The following UBN2 variants were observed in gnomAD, a reference collection of about 807,000 sequenced individuals.
UBN2 encodes the protein ubinuclein 2, also known as ubinuclein-2.
In UBN2, 35 loss-of-function variants were observed where a neutral mutation model predicts 120.2. That is an observed-to-expected ratio of 0.29 (90% CI 0.22 to 0.39). The LOEUF is 0.39. UBN2 is among the 10% of genes least tolerant of loss of function. The pLI is 1.00. For synonymous variants in UBN2, 661 were observed against 648.7 expected (o/e 1.02, Z -0.29); for missense variants, 1,693 against 1,663.2 (o/e 1.02, Z -0.31).
intron 7 of UBN2, among the ~76,000 whole-genome samples, chr7:139,268,591 T>G (rs1208012943): frequency 6.6e-6 from 1 of 152,226 alleles, no homozygotes; most frequent in Non-Finnish European, 1.5e-5. Flanking sequence ...CCTTGCCTAC[T>G]ACCTAGAGCA....
At chr7:139,243,292 G>GT (rs531196836) in intron 2 of UBN2, among the ~76,000 whole-genome samples, 1,550 of 151,118 alleles carry the variant, frequency 0.01, 15 homozygotes, top group African/African-American at 0.023. Flanking sequence ...AAATTCAAGG[G>GT]TTTTTTTTTG....
intron 3 of UBN2, among the ~76,000 whole-genome samples, chr7:139,254,012 G>A (rs958762849): frequency 2.0e-5 from 3 of 152,272 alleles, no homozygotes; most frequent in South Asian, 4.1e-4. Context: ...CTGCTGTCAC[G>A]GCCGGGTGCG....
At chr7:139,266,195 C>G (rs185251895) in intron 6 of UBN2, 138 bp from the exon 7 acceptor site, 16 of 486,564 alleles carry the variant, frequency 3.3e-5, no homozygotes, top group Non-Finnish European at 5.8e-5. Flanking sequence ...AAGTTTGATA[C>G]CAACCTGGGC....
intron 3 of UBN2, among the ~76,000 whole-genome samples, chr7:139,254,380 A>G (rs754606944): frequency 6.6e-6 from 1 of 152,218 alleles, no homozygotes; most frequent in Non-Finnish European, 1.5e-5. Context: ...ACATATTGCC[A>G]GTGCCCTTTG....
At chr7:139,311,342 T>TC (rs1798444624), downstream of UBN2, among the ~76,000 whole-genome samples, 1 of 152,238 alleles carries the variant, frequency 6.6e-6, no homozygotes, top group African/African-American at 2.4e-5. Flanking sequence ...ATTTGCCTCT[T>TC]CTGTGTCTCT....
intron 15 of UBN2, among the ~76,000 whole-genome samples, chr7:139,285,869 A>T (rs891733383): frequency 6.6e-6 from 1 of 151,922 alleles, no homozygotes; most frequent in Non-Finnish European, 1.5e-5. Flanking sequence ...TAGGCTCCCG[A>T]GTAGCTGGAA....
intron 1 of UBN2, among the ~76,000 whole-genome samples, chr7:139,236,229 G>C (rs1796160042): frequency 2.6e-5 from 4 of 152,112 alleles, no homozygotes; most frequent in African/African-American, 9.7e-5. Flanking sequence ...GTTAAACCAT[G>C]TATTATAATA....
chr7:139,311,812 CT>C (rs1389179591), downstream of UBN2, among the ~76,000 whole-genome samples: 1 of 152,176 alleles, frequency 6.6e-6, no homozygotes, highest in African/African-American at 2.4e-5. Context: ...TCAGAAACCC[CT>C]GGCTGAAAAA....
rs115193658 is a variant in UBN2 at position 139,301,418 on chromosome 7, T to C, written c.*3582T>C. ...TTTTCTGAAACGAAAATTCTGCTGT[T>C]GTTCAAACTGCCATTGGTTATGAGA... On this transcript the variant is annotated 3_prime_UTR_variant, in exon 18 of 18. Transcript: ENST00000473989. The C allele has an allele frequency of 6.4e-4, 97 of 152,326 alleles. No homozygotes were observed. The highest frequency in any genetic ancestry group is 2.2e-3 in the African/African-American group (93 of 41,568). 9.4% of individuals were successfully genotyped at this position (152,326 alleles called of 1,614,324 possible).
chr7:139,322,707 T>A, the UBN2 span, among the ~76,000 whole-genome samples: 6 of 151,426 alleles, frequency 4.0e-5, no homozygotes, highest in African/African-American at 1.5e-4. Flanking sequence ...CAAATTTTTG[T>A]ATTTTTATTA....
the UBN2 span, among the ~76,000 whole-genome samples, chr7:139,319,953 G>A: frequency 6.6e-6 from 1 of 151,710 alleles, no homozygotes; most frequent in Non-Finnish European, 1.5e-5. Flanking sequence ...GCGGGTGCCT[G>A]TAGTCCCAGC....
rs2131080864 is a variant in UBN2 at position 139,299,643 on chromosome 7, A to G, written c.*1807A>G. 1 of 152,344 alleles carries G rather than the reference A, an allele frequency of 6.6e-6. No homozygotes were observed. Among genetic ancestry groups the G allele is most frequent in the South Asian group, 2.1e-4 (1 of 4,830 alleles). The allele number at this position is 152,344 out of a possible 1,614,324, so 9.4% of individuals were successfully genotyped here. A position where few individuals can be genotyped will look rare whatever the true frequency, so the allele number is the denominator to read the frequency against. ...TTGACTCTAAGAATTTAGTTTATCAATAAAACAAATATGGATGTAGTATGA... is the reference window on the plus strand; with the variant it reads ...TTGACTCTAAGAATTTAGTTTATCAGTAAAACAAATATGGATGTAGTATGA... On this transcript the variant is annotated 3_prime_UTR_variant, in exon 18 of 18. Coordinates refer to ENST00000473989, the MANE Select transcript of UBN2 (RefSeq NM_173569.4).
At chr7:139,294,836 G>T (rs556999198) in intron 17 of UBN2, among the ~76,000 whole-genome samples, 4 of 151,938 alleles carry the variant, frequency 2.6e-5, no homozygotes, top group Non-Finnish European at 5.9e-5. Context: ...GTAAGACTCC[G>T]TCTCAAAAAA....
chr7:139,319,425 C>T, the UBN2 span, among the ~76,000 whole-genome samples: 1 of 152,100 alleles, frequency 6.6e-6, no homozygotes, highest in Non-Finnish European at 1.5e-5. Context: ...CTGTCTGGGG[C>T]CTTCTTTCCT....
At chr7:139,271,608 A>G (rs894158290) in intron 8 of UBN2, among the ~76,000 whole-genome samples, 1 of 152,092 alleles carries the variant, frequency 6.6e-6, no homozygotes, top group Non-Finnish European at 1.5e-5. Flanking sequence ...AAATTGTTTC[A>G]GTAAAGAAAA....
chr7:139,305,663 A>G lies in UBN2; in HGVS notation c.*7827A>G, dbSNP rs896285233. On this transcript the variant is annotated 3_prime_UTR_variant, in exon 18 of 18. Transcript: ENST00000473989. ...TTCCAAACTGTTAAACAAGTCAGGAATGCTTTTCAGAATCGCAGTAGTATT... is the reference window on the plus strand; with the variant it reads ...TTCCAAACTGTTAAACAAGTCAGGAGTGCTTTTCAGAATCGCAGTAGTATT... The G allele has an allele frequency of 3.3e-5, 5 of 152,194 alleles. No individual in the cohort carries two copies. Among genetic ancestry groups the G allele is most frequent in the African/African-American group, 1.2e-4 (5 of 41,450 alleles). 9.4% of individuals were successfully genotyped at this position (152,194 alleles called of 1,614,324 possible).
the UBN2 span, among the ~76,000 whole-genome samples, chr7:139,317,730 T>G: frequency 6.6e-6 from 1 of 151,946 alleles, no homozygotes; most frequent in Admixed American, 6.6e-5. Flanking sequence ...TGGCACAGTC[T>G]TGGCTCACTG....
At chr7:139,247,678 A>G (rs568589756) in intron 2 of UBN2, among the ~76,000 whole-genome samples, 22 of 152,302 alleles carry the variant, frequency 1.4e-4, no homozygotes, top group African/African-American at 5.3e-4. Flanking sequence ...GTATTTAAAT[A>G]TATATTTTAT....
Position 139,259,348 on chromosome 7 carries a change from A to G in UBN2, c.883A>G (p.Lys295Glu). 12 of 1,613,834 alleles carry G rather than the reference A, an allele frequency of 7.4e-6. No individual in the cohort carries two copies. The highest frequency in any genetic ancestry group is 1.3e-5 in the African/African-American group (1 of 75,042). Residue 295 changes from lysine (K) to glutamate (E), a missense_variant, in exon 5 of 18, where the codon AAA (lysine) becomes GAA (glutamate). Physicochemically the swap from Lys to Glu is moderately conservative, Grantham distance 56. Transcript: ENST00000473989. ...AGGGGAAAAGGAGAAGAAGCCAAGG[A>G]AAAAAGTTCCCAAACAACTGGGGTA... The part of the protein sequence containing the change: ...EEGEKEKKPR[K>E]KVPKQLGVVA...
Sources: gnomAD v4.1 joint callset for allele counts (sites outside exome capture counted in the v4.1 genomes callset) on GRCh38, gnomAD v4.1.1 for gene constraint, MANE v1.5 for transcripts, NCBI Gene and HGNC (gene_info 2026-07-23, HGNC 2026-07-21) for gene names.